The following SORL1 variants were observed in gnomAD, a reference collection of about 807,000 sequenced individuals.
SORL1 encodes sortilin related receptor 1.
SORL1 carries 127 observed loss-of-function variants against 273.7 expected under a neutral mutation model. That is an observed-to-expected ratio of 0.46 (90% confidence interval 0.40 to 0.54). The LOEUF (loss-of-function observed/expected upper bound fraction) is 0.54. Among genes scored for constraint, SORL1 ranks in the 20% least tolerant of loss-of-function variants. SORL1 has a pLI of 0.00. For synonymous variants in SORL1, 1,031 were observed against 1,067.4 expected (o/e 0.97, Z 0.66); for missense variants, 2,494 against 2,846.1 (o/e 0.88, Z 2.81).
At chr11:121,522,053 A>G (rs778422978) in intron 9 of SORL1, among the ~76,000 whole-genome samples, 4 of 152,228 alleles carry the variant, frequency 2.6e-5, no homozygotes, top group Non-Finnish European at 4.4e-5. Context: ...GCAAATGTAA[A>G]ATACATAGGA....
chr11:121,622,277 C>T lies in SORL1; in HGVS notation c.6171+9C>T. On this transcript the variant is annotated intron_variant, in intron 45 of 47. Coordinates refer to ENST00000260197, the MANE Select transcript of SORL1 (RefSeq NM_003105.6). Reference sequence around the variant, plus strand: ...ATTTTAATGAAAGCAGGGTAAGTTCCTCCCTCATTCTCAATGACTTTGGAA... The same window carrying T: ...ATTTTAATGAAAGCAGGGTAAGTTCTTCCCTCATTCTCAATGACTTTGGAA... The T allele has an allele frequency of 6.7e-6, 10 of 1,496,262 alleles. No homozygotes were observed. Among genetic ancestry groups the T allele is most frequent in the Non-Finnish European group, 9.3e-6 (10 of 1,077,768 alleles). The allele number at this position is 1,496,262 out of a possible 1,614,324, so 92.7% of individuals were successfully genotyped here.
At chr11:121,590,421 A>G (rs1322919102) in intron 30 of SORL1, 1 of 507,648 alleles carries the variant, frequency 2.0e-6, no homozygotes, top group Admixed American at 3.6e-5. Context: ...TCCTACTCAA[A>G]GTATGGTTTG....
In SORL1 at chr11:121,554,298, A is replaced by G. The variant is rs548914615; in HGVS notation, c.2439+189A>G. On this transcript the variant is annotated intron_variant, in intron 17 of 47. Transcript: ENST00000260197. The surrounding 1 kb of genome is among the most constrained non-coding windows in gnomAD (Gnocchi z 4.6). Reference sequence around the variant, plus strand: ...TTTCTTTCTCTGTCTTCATCTGTTCATATAGGAAGGATAAAGAAAGCCCTA... The same window carrying G: ...TTTCTTTCTCTGTCTTCATCTGTTCGTATAGGAAGGATAAAGAAAGCCCTA... Among the ~76,000 whole-genome samples the G allele has an allele frequency of 1.3e-5, 2 of 152,304 alleles. No homozygotes were observed. The highest frequency in any genetic ancestry group is 2.1e-4 in the South Asian group (1 of 4,826).
intron 31 of SORL1, among the ~76,000 whole-genome samples, chr11:121,591,958 ATGTT>A (rs941002840): frequency 1.4e-4 from 22 of 152,266 alleles, no homozygotes; most frequent in African/African-American, 5.3e-4. Context: ...TATAAAAATG[ATGTT>A]TTTACTAGGG....
rs1861311159 is a variant in SORL1 at position 121,478,244 on chromosome 11, G to A, written c.528+1G>A. 6.2e-7 allele frequency: 1 copy of A among 1,613,688 alleles called. No individual in the cohort carries two copies. The highest frequency in any genetic ancestry group is 1.3e-5 in the African/African-American group (1 of 74,914). On this transcript the variant is annotated splice_donor_variant, in intron 3 of 47. Coordinates refer to ENST00000260197, the MANE Select transcript of SORL1 (RefSeq NM_003105.6). LOFTEE classifies it high-confidence loss of function. ...CCACAGCCCTGCGGACAACAAGCGG[G>A]TAAGGAAGTGGCCATCCCTCCTGTC...
rs140007815 is a variant in SORL1 at position 121,627,664 on chromosome 11, G to A, written c.6474G>A (p.Leu2158=). 184 of 1,614,050 alleles carry A rather than the reference G, an allele frequency of 1.1e-4. No homozygotes were observed. The highest frequency in any genetic ancestry group is 1.5e-4 in the Non-Finnish European group (181 of 1,180,018). ...LLSLGVGFAI[L]YTKHRRLQSS... ...GCCTGGGGGTGGGGTTTGCCATCCT[G>A]TACACGAAGCACCGGAGGCTGCAGA... Residue 2158 remains leucine (L), a synonymous_variant, in exon 47 of 48, where the codon CTG becomes CTA. Transcript: ENST00000260197. The surrounding 1 kb of genome is among the most constrained non-coding windows in gnomAD (Gnocchi z 4.9).
chr11:121,585,812 A>G (rs1863095059), intron 26 of SORL1, among the ~76,000 whole-genome samples: 1 of 152,064 alleles, frequency 6.6e-6, no homozygotes, highest in African/African-American at 2.4e-5. Context: ...TTTATAGAGC[A>G]CTTCTTGCAT....
intron 5 of SORL1, among the ~76,000 whole-genome samples, chr11:121,494,344 A>G (rs1861597471): frequency 6.6e-6 from 1 of 152,222 alleles, no homozygotes; most frequent in South Asian, 2.1e-4. Flanking sequence ...GTCTCTCAGA[A>G]TAATGATATA....
At chr11:121,567,192 C>T (rs544882572) in intron 22 of SORL1, 79 bp downstream of exon 22, 20 of 1,232,076 alleles carry the variant, frequency 1.6e-5, no homozygotes, top group African/African-American at 3.0e-5. Flanking sequence ...AGGGATAGCT[C>T]TCTGTTTCCT....
chr11:121,594,785 A>C (rs565301992), intron 31 of SORL1, among the ~76,000 whole-genome samples: 1 of 152,152 alleles, frequency 6.6e-6, no homozygotes, highest in Admixed American at 6.5e-5. Flanking sequence ...TGGGGACTAA[A>C]GTGCTGGTAA....
intron 4 of SORL1, among the ~76,000 whole-genome samples, chr11:121,489,034 C>T (rs575942000): frequency 7.2e-5 from 11 of 152,172 alleles, no homozygotes; most frequent in Admixed American, 2.6e-4. Flanking sequence ...TTGCTAGGGC[C>T]GGAGGAACCC....
At chr11:121,622,559 C>T (rs111756328) in intron 45 of SORL1, among the ~76,000 whole-genome samples, 4,383 of 152,282 alleles carry the variant, frequency 0.029, 201 homozygotes, top group African/African-American at 0.099. Context: ...CTGTGCTTCC[C>T]GCAGAAGCTG....
rs1359680535 is a variant in SORL1, at chr11:121,591,017, C to T, written c.4230C>T (p.Pro1410=). Residue 1410 remains proline (P), a synonymous_variant, in exon 31 of 48, where the codon CCC becomes CCT. Transcript: ENST00000260197. ...TTTTCTCAGATTCACATATTCTTCC[C>T]TTCTCGACTCCTGGGCCCTCCACGT... is the stretch of plus-strand genomic sequence containing the variant. ...EKDCGDSHIL[P]FSTPGPSTCL... is the part of the protein sequence containing the mutation. The T allele has an allele frequency of 1.2e-6, 2 of 1,614,086 alleles. No individual in the cohort carries two copies. Among genetic ancestry groups the T allele is most frequent in the East Asian group, 2.2e-5 (1 of 44,896 alleles).
At chr11:121,487,171 T>C (rs1472853458) in intron 3 of SORL1, among the ~76,000 whole-genome samples, 1 of 152,214 alleles carries the variant, frequency 6.6e-6, no homozygotes, top group African/African-American at 2.4e-5. Flanking sequence ...AGCCTCACTT[T>C]CTCTTGACTG....
At position 121,567,057 on chromosome 11, in the gene SORL1, T is replaced by C; in HGVS notation, c.3167T>C (p.Leu1056Pro). The C allele has an allele frequency of 6.2e-7, 1 of 1,614,192 alleles. No individual in the cohort carries two copies. The highest frequency in any genetic ancestry group is 8.5e-7 in the Non-Finnish European group (1 of 1,179,988). The change falls in exon 22 of 48, where the codon CTG becomes CCG. Residue 1056 changes from leucine (L) to proline (P), a missense_variant. Physicochemically the swap from Leu to Pro is moderately conservative, Grantham distance 98. Transcript: ENST00000260197. The part of the protein sequence containing the change: ...VSSSVLPSGD[L>P]MCDCPQGYQL... Reference sequence around the variant, plus strand: ...AGCAGTGTGCTTCCATCAGGGGACCTGATGTGTGACTGCCCTCAGGGCTAT... The same window carrying C: ...AGCAGTGTGCTTCCATCAGGGGACCCGATGTGTGACTGCCCTCAGGGCTAT...
chr11:121,573,635 G>C (rs1862881619), intron 23 of SORL1, among the ~76,000 whole-genome samples: 1 of 152,116 alleles, frequency 6.6e-6, no homozygotes, highest in African/African-American at 2.4e-5. Context: ...AACAAATCTA[G>C]TCTCTCTGAC....
At chr11:121,468,708 A>G (rs1225751024) in intron 1 of SORL1, among the ~76,000 whole-genome samples, 1 of 152,148 alleles carries the variant, frequency 6.6e-6, no homozygotes, top group Non-Finnish European at 1.5e-5. Context: ...GTCGTGGGCC[A>G]CCGAGCCTGA....
intron 32 of SORL1, among the ~76,000 whole-genome samples, chr11:121,599,475 C>T (rs973242255): frequency 4.6e-5 from 7 of 152,170 alleles, no homozygotes; most frequent in African/African-American, 1.4e-4. Flanking sequence ...ACCCGGGAGG[C>T]GGAGGTTGCA....
intron 1 of SORL1, among the ~76,000 whole-genome samples, chr11:121,457,000 C>G (rs1383689934): frequency 6.6e-6 from 1 of 152,158 alleles, no homozygotes; most frequent in East Asian, 1.9e-4. Context: ...GATGAGAAGG[C>G]AAAGAATGTG....
Sources: allele counts gnomAD v4.1 joint callset (sites outside exome capture counted in the v4.1 genomes callset), GRCh38; gene constraint gnomAD v4.1.1; non-coding constraint Gnocchi (gnomAD v3.1); transcripts MANE v1.5; gene names NCBI Gene and HGNC (gene_info 2026-07-23, HGNC 2026-07-21).